The following YPEL2 variants were observed in gnomAD, a reference collection of about 807,000 sequenced individuals.
YPEL2 encodes yippee like 2.
Under a neutral mutation model 19.1 loss-of-function variants are expected in YPEL2, and 2 were observed. The observed-to-expected ratio is 0.10, with a 90% CI of 0.04 to 0.33. YPEL2 has a LOEUF of 0.33. YPEL2 is among the 10% of genes least tolerant of loss of function. The probability of loss-of-function intolerance (pLI) is 1.00; values close to 1 mark genes in which losing one functional copy is unlikely to be tolerated. For synonymous variants in YPEL2, 52 were observed against 50.0 expected (o/e 1.04, Z -0.17); for missense variants, 66 against 140.7 (o/e 0.47, Z 2.68).
chr17:59,350,092 T>C (rs1365094585), intron 1 of YPEL2, among the ~76,000 whole-genome samples: 2 of 152,096 alleles, frequency 1.3e-5, no homozygotes, highest in Admixed American at 6.5e-5. Context: ...TCTTTTCTTT[T>C]TTTTTAATGC....
chr17:59,393,720 C>T (rs574144394), intron 4 of YPEL2, among the ~76,000 whole-genome samples: 53 of 148,254 alleles, frequency 3.6e-4, no homozygotes, highest in Middle Eastern at 3.4e-3. Flanking sequence ...TGACTCTTAA[C>T]GAGCATGCTG....
At position 59,334,571 on chromosome 17, in the gene YPEL2, A is replaced by AACACACACACACAC. The variant is rs35386954; in HGVS notation, c.-196+2770_-196+2783dup. 2.0e-3 allele frequency among the ~76,000 whole-genome samples: 296 copies of AACACACACACACAC among 145,220 alleles called. 1 individual carries two copies. Among genetic ancestry groups the AACACACACACACAC allele is most frequent in the African/African-American group, 6.9e-3 (269 of 39,102 alleles). The stretch of plus-strand genomic sequence containing the variant: ...ATGCTGTTATCTGCCTTCAGGCACA[A>AACACACACACACAC]ACACACACACACACACACACACACA... On this transcript the variant is annotated intron_variant, in intron 1 of 4. Coordinates refer to ENST00000312655, the MANE Select transcript of YPEL2 (RefSeq NM_001005404.4).
chr17:59,339,420 TC>T (rs1158788624), intron 1 of YPEL2, among the ~76,000 whole-genome samples: 1 of 152,172 alleles, frequency 6.6e-6, no homozygotes, highest in Non-Finnish European at 1.5e-5. Context: ...AGCTGAAAAC[TC>T]CCTTTTTCTT....
chr17:59,369,162 A>T (rs751686740), intron 2 of YPEL2, among the ~76,000 whole-genome samples: 4 of 152,194 alleles, frequency 2.6e-5, no homozygotes, highest in Non-Finnish European at 5.9e-5. Flanking sequence ...CTCCCTGTTG[A>T]TGAGTTTTTC....
intron 2 of YPEL2, among the ~76,000 whole-genome samples, chr17:59,380,574 C>T (rs1387599031): frequency 6.6e-6 from 1 of 152,168 alleles, no homozygotes; most frequent in Non-Finnish European, 1.5e-5. Context: ...CCAGCCCTAA[C>T]TTATCTTTTA....
intron 2 of YPEL2, chr17:59,363,147 T>A (rs1470953103): frequency 6.7e-6 from 1 of 149,436 alleles, no homozygotes; most frequent in African/African-American, 2.5e-5. Context: ...TCTATGTATA[T>A]ATAGATATAT....
chr17:59,392,998 G>T (rs1489525412), intron 4 of YPEL2, among the ~76,000 whole-genome samples: 2 of 152,140 alleles, frequency 1.3e-5, no homozygotes, highest in Non-Finnish European at 2.9e-5. Context: ...GAATCTCCCA[G>T]TTCTGTAAGT....
intron 2 of YPEL2, among the ~76,000 whole-genome samples, chr17:59,365,357 C>T (rs1386177670): frequency 6.6e-6 from 1 of 152,220 alleles, no homozygotes; most frequent in African/African-American, 2.4e-5. Flanking sequence ...GCCTTACCTG[C>T]AGGCAGCAGC....
chr17:59,383,384 G>A (rs1039662753), intron 2 of YPEL2, among the ~76,000 whole-genome samples: 33 of 150,480 alleles, frequency 2.2e-4, no homozygotes, highest in Non-Finnish European at 3.4e-4. Context: ...GGATCATGAG[G>A]TCAGGAGATT....
chr17:59,383,086 G>T (rs2047958002), intron 2 of YPEL2, among the ~76,000 whole-genome samples: 1 of 152,156 alleles, frequency 6.6e-6, no homozygotes. Flanking sequence ...TTAGGGAATT[G>T]CTTACAATTC....
chr17:59,380,119 CA>C (rs1555571571), intron 2 of YPEL2, among the ~76,000 whole-genome samples: 1 of 151,634 alleles, frequency 6.6e-6, no homozygotes, highest in Non-Finnish European at 1.5e-5. Context: ...CTCAGGCTCC[CA>C]AAGTGCTGGG....
At chr17:59,376,949 CAAAAAAAAAAAA>C in intron 2 of YPEL2, among the ~76,000 whole-genome samples, 1 of 48,546 alleles carries the variant, frequency 2.1e-5, no homozygotes, top group South Asian at 7.7e-4. Flanking sequence ...CACACTGTCT[CAAAAAAAAAAAA>C]AAAAAAAAAA....
At chr17:59,390,862 G>A (rs974575973) in intron 4 of YPEL2, among the ~76,000 whole-genome samples, 1 of 152,200 alleles carries the variant, frequency 6.6e-6, no homozygotes, top group African/African-American at 2.4e-5. Flanking sequence ...ATTTGTCTGT[G>A]TGTCCTTGGA....
intron 2 of YPEL2, among the ~76,000 whole-genome samples, chr17:59,384,448 A>T (rs1447606038): frequency 2.6e-5 from 4 of 152,136 alleles, no homozygotes; most frequent in South Asian, 4.1e-4. Flanking sequence ...CGTGTTTTTT[A>T]AAAAAATAAG....
At chr17:59,348,391 A>G (rs1480785146) in intron 1 of YPEL2, among the ~76,000 whole-genome samples, 1 of 151,998 alleles carries the variant, frequency 6.6e-6, no homozygotes, top group Non-Finnish European at 1.5e-5. Context: ...AGAGCGTCCC[A>G]TCTCCCGCCC....
chr17:59,394,461 C>T (rs1391178850), intron 4 of YPEL2, among the ~76,000 whole-genome samples: 7 of 148,570 alleles, frequency 4.7e-5, no homozygotes, highest in Non-Finnish European at 8.9e-5. Flanking sequence ...GGATGGCGGC[C>T]GGGAAGAGGC....
In YPEL2 at chr17:59,353,033, G is replaced by C. The variant is rs989724763; in HGVS notation, c.-195-182G>C. Among the ~76,000 whole-genome samples the C allele has an allele frequency of 1.3e-5, 2 of 152,186 alleles. No individual in the cohort carries two copies. Among genetic ancestry groups the C allele is most frequent in the East Asian group, 3.9e-4 (2 of 5,190 alleles). On this transcript the variant is annotated intron_variant, in intron 1 of 4. Transcript: ENST00000312655. The surrounding 1 kb of genome is among the most constrained non-coding windows in gnomAD (Gnocchi z 4.8). ...CCCACTCCAGAAAAGCAGCGAGACT[G>C]GAGTCTCCAGTGGTTTCTTTCTCAT...
chr17:59,384,868 G>A (rs2047972544), intron 2 of YPEL2, among the ~76,000 whole-genome samples: 1 of 152,168 alleles, frequency 6.6e-6, no homozygotes, highest in African/African-American at 2.4e-5. Context: ...GTCTTTCTCT[G>A]TCATTAATGG....
intron 1 of YPEL2, among the ~76,000 whole-genome samples, chr17:59,332,582 C>T (rs2047676991): frequency 6.6e-6 from 1 of 152,132 alleles, no homozygotes; most frequent in Non-Finnish European, 1.5e-5. Flanking sequence ...CCTCTGGTGT[C>T]TTTCCCGGAG....
Sources: allele counts gnomAD v4.1 joint callset (sites outside exome capture counted in the v4.1 genomes callset), GRCh38; gene constraint gnomAD v4.1.1; non-coding constraint Gnocchi (gnomAD v3.1); transcripts MANE v1.5; gene names NCBI Gene and HGNC (gene_info 2026-07-23, HGNC 2026-07-21).